LRRK1: variants seen among roughly 807,000 people sequenced by gnomAD.
LRRK1 encodes leucine-rich repeat serine/threonine-protein kinase 1.
In LRRK1, 113 loss-of-function variants were observed where a neutral mutation model predicts 209.1. The observed-to-expected ratio is 0.54, with a 90% confidence interval of 0.46 to 0.63. The LOEUF is 0.63. LRRK1 is among the 30% of genes least tolerant of loss of function. The probability of loss-of-function intolerance (pLI) is 0.00; values close to 1 mark genes in which losing one functional copy is unlikely to be tolerated. For missense variants in LRRK1, 2,284 were observed against 2,632.2 expected (o/e 0.87, Z 2.89); for synonymous variants, 1,144 against 1,099.7 (o/e 1.04, Z -0.80).
chr15:101,023,878 G>A lies in LRRK1; in HGVS notation c.2068-925G>A, dbSNP rs574535430. Among the ~76,000 whole-genome samples the A allele has an allele frequency of 4.1e-4, 62 of 152,302 alleles. 1 individual carries two copies. Among genetic ancestry groups the A allele is most frequent in the African/African-American group, 1.3e-3 (53 of 41,584 alleles). ...CTAGAACATTCCAGGAGCAAATCTA[G>A]CTGACTCGAGTCTGAAGGTTCTCTC... On this transcript the variant is annotated intron_variant, in intron 15 of 33. Coordinates refer to ENST00000388948, the MANE Select transcript of LRRK1 (RefSeq NM_024652.6).
In LRRK1 at chr15:101,010,565, G is replaced by C; in HGVS notation, c.1105G>C (p.Glu369Gln). The change falls in exon 8 of 34, where the codon GAA becomes CAA. Residue 369 changes from glutamate to glutamine, a missense_variant. By Grantham distance (29) the Glu-to-Gln change is conservative. Around this residue, in one of 6 missense-constraint regions of LRRK1, gnomAD observed 494 missense variants for 522.1 expected, o/e 0.95. Transcript: ENST00000388948. ...ASKNCLEKLF[E>Q]EENATNWIGL... ...AAAAAATTGTTTAGAAAAATTGTTC[G>C]AAGAAGAAAATGGTATGTTTTCTCA... The C allele has an allele frequency of 6.2e-7, 1 of 1,611,538 alleles. No individual in the cohort carries two copies. Among genetic ancestry groups the C allele is most frequent in the Non-Finnish European group, 8.5e-7 (1 of 1,179,498 alleles).
intron 20 of LRRK1, among the ~76,000 whole-genome samples, chr15:101,041,854 CAT>C: frequency 6.6e-6 from 1 of 152,078 alleles, no homozygotes; most frequent in East Asian, 1.9e-4. Context: ...ATTAACAACA[CAT>C]AGAAATTAAC....
intron 10 of LRRK1, 71 bp from the exon 11 acceptor site, chr15:101,014,245 C>A: frequency 2.7e-6 from 3 of 1,099,648 alleles, no homozygotes; most frequent in South Asian, 1.3e-5. Context: ...AACTGACTGG[C>A]TCTTCAGTCT....
Position 101,077,313 on chromosome 15 carries a change from C to G in LRRK1, c.*8465C>G, listed in dbSNP as rs997670637. ...TTCTGTCTAGTCGTACTCCTATTCA[C>G]CATTCTCAACTACTCATACGTGCCC... On this transcript the variant is annotated 3_prime_UTR_variant, in exon 34 of 34. Coordinates refer to ENST00000388948, the MANE Select transcript of LRRK1 (RefSeq NM_024652.6). 1 of 152,236 alleles carries G rather than the reference C, an allele frequency of 6.6e-6. No homozygotes were observed. Among genetic ancestry groups the G allele is most frequent in the African/African-American group, 2.4e-5 (1 of 41,456 alleles). 9.4% of individuals were successfully genotyped at this position (152,236 alleles called of 1,614,324 possible).
intron 2 of LRRK1, among the ~76,000 whole-genome samples, chr15:100,936,797 G>A (rs1011648197): frequency 1.3e-5 from 2 of 152,218 alleles, no homozygotes; most frequent in Non-Finnish European, 2.9e-5. Flanking sequence ...ATCTCAGCTG[G>A]CTCATTGTCC....
intron 31 of LRRK1, chr15:101,064,273 T>G (rs1012132296): frequency 6.5e-6 from 1 of 152,830 alleles, no homozygotes; most frequent in African/African-American, 2.4e-5. Flanking sequence ...TCCACTCCAT[T>G]GCCCTGCACA....
intron 2 of LRRK1, among the ~76,000 whole-genome samples, chr15:100,950,811 A>T (rs1227100977): frequency 1.3e-5 from 2 of 152,386 alleles, no homozygotes; most frequent in South Asian, 2.1e-4. Flanking sequence ...AACCCAATTT[A>T]AAAAAGAGCA....
chr15:101,015,774 G>T (rs956469701), intron 12 of LRRK1, among the ~76,000 whole-genome samples: 1 of 152,174 alleles, frequency 6.6e-6, no homozygotes, highest in Non-Finnish European at 1.5e-5. Flanking sequence ...GGAGACTGAG[G>T]CTCCCAGGGT....
At chr15:100,978,734 T>C (rs1183396373) in intron 3 of LRRK1, among the ~76,000 whole-genome samples, 1 of 152,184 alleles carries the variant, frequency 6.6e-6, no homozygotes, top group African/African-American at 2.4e-5. Context: ...CTTTTAACTA[T>C]TAAGAAAATT....
Position 101,073,026 on chromosome 15 carries a change from C to A in LRRK1, c.*4178C>A. 5.3e-6 allele frequency: 1 copy of A among 188,638 alleles called. No individual in the cohort carries two copies. The highest frequency in any genetic ancestry group is 6.2e-5 in the Admixed American group (1 of 16,088). 11.7% of individuals were successfully genotyped at this position (188,638 alleles called of 1,614,324 possible). The stretch of plus-strand genomic sequence containing the variant: ...CTCTTTGGTCCATGAGAAAGATCCA[C>A]CTACAACCTCAAGTCCTCAGACCAA... On this transcript the variant is annotated 3_prime_UTR_variant, in exon 34 of 34. Coordinates refer to ENST00000388948, the MANE Select transcript of LRRK1 (RefSeq NM_024652.6).
rs141308296 is a variant in LRRK1 at position 101,045,382 on chromosome 15, C to T, written c.2964-599C>T. Among the ~76,000 whole-genome samples the T allele has an allele frequency of 4.3e-4, 66 of 152,282 alleles. 4 individuals are homozygous for T. In the East Asian group the frequency reaches 7.5e-3, roughly 17 times the overall value. ...TTGGAGGGACCTCCCAGGTTTCAGC[C>T]GTGAAGCCCTTGCCGATGCAATGAT... On this transcript the variant is annotated intron_variant, in intron 20 of 33. Transcript: ENST00000388948.
chr15:100,997,863 G>A (rs1003415857), intron 6 of LRRK1, among the ~76,000 whole-genome samples: 1 of 152,220 alleles, frequency 6.6e-6, no homozygotes, highest in Admixed American at 6.5e-5. Flanking sequence ...TGCTGTTTAT[G>A]ATAAGAAGAC....
At chr15:100,983,987 G>C (rs551428188) in intron 4 of LRRK1, 33 of 455,716 alleles carry the variant, frequency 7.2e-5, no homozygotes, top group Non-Finnish European at 3.7e-5. Flanking sequence ...AGAAGTTTTA[G>C]ATTTATGGAA....
rs116244122 is a variant in LRRK1, at chr15:100,921,731, C to G, written c.-123+2280C>G. Among the ~76,000 whole-genome samples, 122 of 152,304 alleles carry G rather than the reference C, an allele frequency of 8.0e-4. 1 individual carries two copies. Among genetic ancestry groups the G allele is most frequent in the African/African-American group, 2.9e-3 (122 of 41,560 alleles). On this transcript the variant is annotated intron_variant, in intron 1 of 33. Coordinates refer to ENST00000388948, the MANE Select transcript of LRRK1 (RefSeq NM_024652.6). Reference sequence around the variant, plus strand: ...AATGAATGACAGGTTCTTCTCTTTTCTTTTCTCTAGAGTCTTGCTCTGTCA... The same window carrying G: ...AATGAATGACAGGTTCTTCTCTTTTGTTTTCTCTAGAGTCTTGCTCTGTCA...
intron 2 of LRRK1, among the ~76,000 whole-genome samples, chr15:100,952,240 G>A (rs927701361): frequency 2.6e-5 from 4 of 152,110 alleles, no homozygotes; most frequent in Admixed American, 6.6e-5. Context: ...ATTAGAAAGC[G>A]GTGATAGTTA....
chr15:101,053,043 C>A lies in LRRK1; in HGVS notation c.3811C>A (p.Arg1271Ser), dbSNP rs748630672. Residue 1271 changes from arginine to serine, a missense_variant, in exon 25 of 34, where the codon CGC becomes AGC. Coordinates refer to ENST00000388948, the MANE Select transcript of LRRK1 (RefSeq NM_024652.6). ...CCAGGGCCAGCCTGTGGCCGTCAAG[C>A]GCTTCCACATCAAAAAATTCAAGAA... ...RYQGQPVAVKRFHIKKFKNFA... is the reference protein window; with the variant it reads ...RYQGQPVAVKSFHIKKFKNFA... 7 of 1,612,534 alleles carry A rather than the reference C, an allele frequency of 4.3e-6. No individual in the cohort carries two copies. The Middle Eastern group carries it at 9.9e-4, about 228-fold the overall frequency.
At chr15:101,011,734 T>C (rs2141695399) in intron 9 of LRRK1, among the ~76,000 whole-genome samples, 1 of 152,208 alleles carries the variant, frequency 6.6e-6, no homozygotes, top group East Asian at 1.9e-4. Context: ...AATTGTTCCA[T>C]TATTTCCAAG....
At chr15:101,061,310 GC>G (rs761262029) in intron 30 of LRRK1, 22 bp downstream of exon 30, 76 of 1,556,734 alleles carry the variant, frequency 4.9e-5, no homozygotes, top group Non-Finnish European at 6.5e-5. Context: ...CCGCAGGCCT[GC>G]CCACCGAGGT....
chr15:101,030,068 G>A (rs1013006346), intron 20 of LRRK1, among the ~76,000 whole-genome samples: 1 of 152,142 alleles, frequency 6.6e-6, no homozygotes, highest in African/African-American at 2.4e-5. Flanking sequence ...TCCTGGATCT[G>A]TAACATACCC....
Sources: gnomAD v4.1 joint callset for allele counts (sites outside exome capture counted in the v4.1 genomes callset) on GRCh38, gnomAD v4.1.1 for gene constraint, gnomAD v4.1.1 regional missense constraint, MANE v1.5 for transcripts, NCBI Gene and HGNC (gene_info 2026-07-23, HGNC 2026-07-21) for gene names.